The following KATNAL2 variants were observed in gnomAD, a reference collection of about 807,000 sequenced individuals.
KATNAL2 encodes the protein katanin catalytic subunit A1 like 2.
KATNAL2 carries 52 observed loss-of-function variants against 76.3 expected under a neutral mutation model. The ratio of observed to expected loss-of-function variants is 0.68; its 90% CI spans 0.55 to 0.86. The LOEUF is 0.86. Among genes scored for constraint, KATNAL2 ranks in the 40% least tolerant of loss-of-function variants. KATNAL2 has a pLI of 0.00. For missense variants in KATNAL2, 660 were observed against 668.9 expected, an observed-to-expected ratio of 0.99 and a Z score of 0.15; for synonymous variants, 243 against 244.2, an observed-to-expected ratio of 1.00 and a Z score of 0.05.
intron 1 of KATNAL2, among the ~76,000 whole-genome samples, chr18:46,926,683 G>T (rs2058738200): frequency 6.6e-6 from 1 of 152,050 alleles, no homozygotes; most frequent in Non-Finnish European, 1.5e-5. Flanking sequence ...TTGACAGTGG[G>T]GTGTGAAAGT....
chr18:47,033,331 T>C, intron 3 of KATNAL2: 1 of 1,613,860 alleles, frequency 6.2e-7, no homozygotes, highest in Non-Finnish European at 8.5e-7. Flanking sequence ...GGCCACAGAT[T>C]TGAAACAGAT....
At chr18:46,924,087 C>T (rs2058657332) in intron 1 of KATNAL2, among the ~76,000 whole-genome samples, 1 of 152,152 alleles carries the variant, frequency 6.6e-6, no homozygotes, top group South Asian at 2.1e-4. Context: ...TAATTAGATT[C>T]CATTTGTCAA....
chr18:47,054,291 C>T, intron 5 of KATNAL2, 105 bp from the exon 6 acceptor site: 1 of 1,034,442 alleles, frequency 9.7e-7, no homozygotes, highest in African/African-American at 1.6e-5. Flanking sequence ...TTGGTTAAAA[C>T]TCAAATTTTA....
chr18:47,099,443 G>A, intron 16 of KATNAL2, 38 bp downstream of exon 16: 5 of 1,562,534 alleles, frequency 3.2e-6, no homozygotes, highest in Non-Finnish European at 4.3e-6. Context: ...TAGGTCAAGG[G>A]CCCACCATAT....
intron 3 of KATNAL2, chr18:47,033,264 G>A (rs770221584): frequency 2.5e-6 from 4 of 1,613,526 alleles, no homozygotes; most frequent in East Asian, 2.2e-5. Flanking sequence ...CCCCATTTTC[G>A]GGGTCAGCGT....
intron 3 of KATNAL2, among the ~76,000 whole-genome samples, chr18:46,965,593 C>CCCT (rs1364777276): frequency 9.9e-6 from 1 of 101,416 alleles, no homozygotes; most frequent in Non-Finnish European, 2.1e-5. Flanking sequence ...CCCCCCCCCC[C>CCCT]CGCCCCCAAC....
intron 3 of KATNAL2, among the ~76,000 whole-genome samples, chr18:47,032,088 C>G (rs1324416625): frequency 6.6e-6 from 1 of 152,200 alleles, no homozygotes; most frequent in Non-Finnish European, 1.5e-5. Flanking sequence ...TGATTCAGAA[C>G]CTAAATAAGC....
intron 3 of KATNAL2, chr18:47,033,622 C>G: frequency 1.2e-6 from 2 of 1,614,210 alleles, no homozygotes; most frequent in Non-Finnish European, 1.7e-6. Flanking sequence ...GGGGACCTCT[C>G]CCACGTCGCT....
intron 4 of KATNAL2, among the ~76,000 whole-genome samples, chr18:47,050,831 A>C (rs1156718760): frequency 2.0e-5 from 3 of 152,240 alleles, no homozygotes; most frequent in Admixed American, 2.0e-4. Context: ...CTGGACTTAA[A>C]AGATGTATAG....
chr18:47,033,809 G>T, intron 3 of KATNAL2: 1 of 1,614,182 alleles, frequency 6.2e-7, no homozygotes, highest in Non-Finnish European at 8.5e-7. Flanking sequence ...GGCTTTGCCT[G>T]GGAGGTCATG....
At chr18:46,919,950 C>T (rs1268384703) in intron 1 of KATNAL2, 2 of 659,610 alleles carry the variant, frequency 3.0e-6, no homozygotes, top group Non-Finnish European at 4.8e-6. Context: ...GGGGAATAGA[C>T]GAATAGAGTA....
intron 1 of KATNAL2, among the ~76,000 whole-genome samples, chr18:46,940,197 A>G (rs944056855): frequency 6.6e-6 from 1 of 151,722 alleles, no homozygotes; most frequent in African/African-American, 2.4e-5. Context: ...CTGAACTGTT[A>G]TGTGGGGCTA....
chr18:46,946,738 G>A, intron 2 of KATNAL2, 116 bp from the exon 3 acceptor site: 1 of 1,134,514 alleles, frequency 8.8e-7, no homozygotes. Context: ...TGTGGCCAGC[G>A]ATTGGCGGGC....
chr18:46,925,477 G>C (rs532422059), intron 1 of KATNAL2, among the ~76,000 whole-genome samples: 4 of 152,168 alleles, frequency 2.6e-5, no homozygotes, highest in African/African-American at 9.6e-5. Flanking sequence ...TGCTGGATTC[G>C]GTTTGCCAGT....
chr18:47,036,176 C>G (rs2060766720), intron 3 of KATNAL2, among the ~76,000 whole-genome samples: 1 of 152,180 alleles, frequency 6.6e-6, no homozygotes, highest in Non-Finnish European at 1.5e-5. Context: ...TAGAAGTCAG[C>G]AGGTTCCACA....
chr18:46,926,445 A>G (rs143650561), intron 1 of KATNAL2, among the ~76,000 whole-genome samples: 60,748 of 151,964 alleles, frequency 0.4, 12,592 homozygotes, highest in Middle Eastern at 0.51. Context: ...CTGTGGTCTG[A>G]GAGACAGTTT....
intron 1 of KATNAL2, among the ~76,000 whole-genome samples, chr18:46,921,418 G>A (rs891563711): frequency 5.9e-5 from 9 of 152,114 alleles, no homozygotes; most frequent in Admixed American, 3.9e-4. Flanking sequence ...GAGCTACTGC[G>A]CCTGGCATAA....
chr18:46,951,661 T>C (rs2059560888), intron 3 of KATNAL2, among the ~76,000 whole-genome samples: 1 of 152,168 alleles, frequency 6.6e-6, no homozygotes, highest in Non-Finnish European at 1.5e-5. Context: ...GGTAAAGTTT[T>C]GGAAACAAAG....
At chr18:46,948,864 A>G (rs577273079) in intron 3 of KATNAL2, among the ~76,000 whole-genome samples, 1 of 150,826 alleles carries the variant, frequency 6.6e-6, no homozygotes, top group East Asian at 2.0e-4. Context: ...TGACATATCT[A>G]CTGGGGTGTT....
Sources: allele counts gnomAD v4.1 joint callset (sites outside exome capture counted in the v4.1 genomes callset), GRCh38; gene constraint gnomAD v4.1.1; transcripts MANE v1.5; gene names NCBI Gene and HGNC (gene_info 2026-07-23, HGNC 2026-07-21).